DYNC2H1: variants seen among roughly 807,000 people sequenced by gnomAD.
The protein encoded by DYNC2H1 is cytoplasmic dynein 2 heavy chain 1.
DYNC2H1 carries 410 observed loss-of-function variants against 570.0 expected under a neutral mutation model. The observed-to-expected ratio is 0.72, with a 90% confidence interval of 0.66 to 0.78. DYNC2H1 has a LOEUF of 0.78. Ranked by LOEUF, DYNC2H1 falls within the 30% of genes least tolerant of loss-of-function variation. DYNC2H1 has a pLI of 0.00. For missense variants in DYNC2H1, 4,865 were observed against 5,046.4 expected, an observed-to-expected ratio of 0.96 and a Z score of 1.09; for synonymous variants, 1,688 against 1,677.6, an observed-to-expected ratio of 1.01 and a Z score of -0.15.
intron 82 of DYNC2H1, among the ~76,000 whole-genome samples, chr11:103,331,206 T>A (rs1938770131): frequency 6.6e-6 from 1 of 152,204 alleles, no homozygotes; most frequent in Non-Finnish European, 1.5e-5. Context: ...AAAAAATAAA[T>A]TCTTAATAGT....
chr11:103,336,865 C>G (rs558462510), intron 82 of DYNC2H1, among the ~76,000 whole-genome samples: 2 of 152,138 alleles, frequency 1.3e-5, no homozygotes, highest in African/African-American at 4.8e-5. Context: ...AGTGCAGATA[C>G]CTTTCCAATA....
intron 83 of DYNC2H1, among the ~76,000 whole-genome samples, chr11:103,383,147 GCTGGATA>G (rs1941724858): frequency 6.6e-6 from 1 of 152,174 alleles, no homozygotes; most frequent in Non-Finnish European, 1.5e-5. Flanking sequence ...GCCAAATTAA[GCTGGATA>G]CTGGAGCCAA....
chr11:103,311,760 C>G lies in DYNC2H1; in HGVS notation c.11494-118C>G, dbSNP rs1867599111. 6 of 963,298 alleles carry G rather than the reference C, an allele frequency of 6.2e-6. No homozygotes were observed. In the South Asian group the frequency reaches 1.1e-4, roughly 17 times the overall value. 59.7% of individuals were successfully genotyped at this position (963,298 alleles called of 1,614,324 possible). On this transcript the variant is annotated intron_variant, in intron 78 of 88. Transcript: ENST00000375735. ...ATTTTGAAGTAACATAATAATTTAA[C>G]TCAAACCCGGTAAGCAGTGAAAAAT...
At chr11:103,109,990 C>T (rs920468062) in intron 1 of DYNC2H1, among the ~76,000 whole-genome samples, 5 of 152,186 alleles carry the variant, frequency 3.3e-5, no homozygotes, top group African/African-American at 1.2e-4. Flanking sequence ...AAGCATGTTT[C>T]CCTTCCATAC....
chr11:103,402,985 T>G (rs1463250999), intron 84 of DYNC2H1: 2 of 152,084 alleles, frequency 1.3e-5, no homozygotes, highest in Non-Finnish European at 2.9e-5. Flanking sequence ...ATTGGGTAGT[T>G]GGTATAAATG....
At chr11:103,176,496 T>A in intron 37 of DYNC2H1, 62 bp downstream of exon 37, 1 of 1,248,644 alleles carries the variant, frequency 8.0e-7, no homozygotes, top group Non-Finnish European at 1.0e-6. Flanking sequence ...CCTTATTAAC[T>A]ATCCTTGTCC....
chr11:103,211,869 A>T lies in DYNC2H1; in HGVS notation c.8620A>T (p.Thr2874Ser). 1 of 1,532,192 alleles carries T rather than the reference A, an allele frequency of 6.5e-7. No homozygotes were observed. Among genetic ancestry groups the T allele is most frequent in the Non-Finnish European group, 8.8e-7 (1 of 1,136,596 alleles). The allele number at this position is 1,532,192 out of a possible 1,614,324, so 94.9% of individuals were successfully genotyped here. ...AYGATPSRYM[T>S]FLHVYSAISS... ...TGGTGCTACACCAAGCCGATACATG[A>T]CCTTTTTACATGTGTATTCTGCCAT... Residue 2874 changes from threonine (T) to serine (S), a missense_variant, in exon 54 of 89, where the codon ACC becomes TCC. Thr to Ser is a moderately conservative substitution (Grantham distance 58). Transcript: ENST00000375735.
chr11:103,152,721 A>G (rs1481615895), intron 21 of DYNC2H1, among the ~76,000 whole-genome samples: 1 of 152,174 alleles, frequency 6.6e-6, no homozygotes, highest in Non-Finnish European at 1.5e-5. Flanking sequence ...TCTGGGTCCT[A>G]GGTTTTGTCA....
rs770385566 is a variant in DYNC2H1, at chr11:103,435,951, C to T, written c.12375C>T (p.Leu4125=). The change falls in exon 85 of 89, where the codon CTC becomes CTT. Residue 4125 remains leucine (L), a synonymous_variant. Transcript: ENST00000375735. ...CCCTTTTTAAATTGCAGTGTCCTCT[C>T]GCATGGCAGAGCAAGTGGGAAGGCC... ...ASALLNQKCP[L]AWQSKWEGPE... 3.5e-5 allele frequency: 56 copies of T among 1,612,274 alleles called. No individual in the cohort carries two copies. Among genetic ancestry groups the T allele is most frequent in the Non-Finnish European group, 3.5e-5 (41 of 1,178,992 alleles).
intron 83 of DYNC2H1, among the ~76,000 whole-genome samples, chr11:103,387,847 G>T (rs535190579): frequency 2.0e-5 from 3 of 152,252 alleles, no homozygotes; most frequent in African/African-American, 7.2e-5. Context: ...GTTCTGTTCT[G>T]TTCCATTGGT....
In DYNC2H1 at chr11:103,170,431, A is replaced by G; in HGVS notation, c.5151+141A>G. 1.1e-6 allele frequency: 1 copy of G among 918,154 alleles called. No homozygotes were observed. Among genetic ancestry groups the G allele is most frequent in the East Asian group, 2.9e-5 (1 of 34,770 alleles). The allele number at this position is 918,154 out of a possible 1,614,324, so 56.9% of individuals were successfully genotyped here. A position where few individuals can be genotyped will look rare whatever the true frequency, so the allele number is the denominator to read the frequency against. ...AGAATTTGTTTAAATTGAAATGTAAAATGGACAGAGGTTGTACGTAGTATA... is the reference window on the plus strand; with the variant it reads ...AGAATTTGTTTAAATTGAAATGTAAGATGGACAGAGGTTGTACGTAGTATA... On this transcript the variant is annotated intron_variant, in intron 33 of 88. Transcript: ENST00000375735. The surrounding 1 kb of genome is among the most constrained non-coding windows in gnomAD (Gnocchi z 4.8).
intron 83 of DYNC2H1, among the ~76,000 whole-genome samples, chr11:103,385,570 T>C (rs909307293): frequency 2.0e-5 from 3 of 152,202 alleles, no homozygotes; most frequent in South Asian, 4.1e-4. Context: ...ATAAAACTTA[T>C]ATTAGCTTCC....
At chr11:103,134,727 C>T (rs866757688) in intron 15 of DYNC2H1, among the ~76,000 whole-genome samples, 8 of 151,926 alleles carry the variant, frequency 5.3e-5, no homozygotes, top group Middle Eastern at 3.4e-3. Context: ...TCTAGGTGAT[C>T]GTGATAGCCG....
intron 72 of DYNC2H1, 71 bp from the exon 73 acceptor site, chr11:103,282,937 T>C: frequency 9.4e-7 from 1 of 1,065,440 alleles, no homozygotes; most frequent in Non-Finnish European, 1.4e-6. Flanking sequence ...ATAAAATAGC[T>C]AATCAATTGC....
rs1373372808 is a variant in DYNC2H1 at position 103,399,908 on chromosome 11, T to C, written c.12366+36T>C. The C allele has an allele frequency of 1.4e-5, 22 of 1,544,962 alleles. No homozygotes were observed. In the Admixed American group the frequency reaches 1.9e-4, roughly 13 times the overall value. ...ACTAACTGTATGTATTTTTATTTCA[T>C]TGTTATAAGTGACTCCTCCATCACA... On this transcript the variant is annotated intron_variant, in intron 84 of 88. Transcript: ENST00000375735.
rs669787 is a variant in DYNC2H1 at position 103,204,504 on chromosome 11, T to A, written c.8312-318T>A. Among the ~76,000 whole-genome samples the A allele has an allele frequency of 0.94, 143,683 of 152,196 alleles. 67,900 individuals are homozygous for A. Among genetic ancestry groups the A allele is most frequent in the African/African-American group, 0.98 (40,795 of 41,538 alleles). ...GTTTTAAAAAACTAGCCTTTTATTC[T>A]TATAGAAACAGTTTTATATGCACTG... On this transcript the variant is annotated intron_variant, in intron 51 of 88. Transcript: ENST00000375735. The surrounding 1 kb of genome is among the most constrained non-coding windows in gnomAD (Gnocchi z 4.1).
At chr11:103,333,439 A>C (rs2135466488) in intron 82 of DYNC2H1, among the ~76,000 whole-genome samples, 1 of 152,106 alleles carries the variant, frequency 6.6e-6, no homozygotes, top group East Asian at 1.9e-4. Context: ...AACTTTTTGT[A>C]TTTTTAGTAG....
intron 75 of DYNC2H1, among the ~76,000 whole-genome samples, chr11:103,288,765 C>T (rs539450530): frequency 3.2e-4 from 48 of 148,844 alleles, no homozygotes; most frequent in African/African-American, 1.2e-3. Context: ...CCTGTAATCC[C>T]AGCTCCTCGG....
chr11:103,389,349 C>T (rs1942033823), intron 83 of DYNC2H1, among the ~76,000 whole-genome samples: 1 of 151,936 alleles, frequency 6.6e-6, no homozygotes, highest in Non-Finnish European at 1.5e-5. Context: ...GTGGTGATAC[C>T]CCCTTTAACA....
Sources: allele counts gnomAD v4.1 joint callset (sites outside exome capture counted in the v4.1 genomes callset), GRCh38; gene constraint gnomAD v4.1.1; non-coding constraint Gnocchi (gnomAD v3.1); transcripts MANE v1.5; gene names NCBI Gene and HGNC (gene_info 2026-07-23, HGNC 2026-07-21).